Variants in KCNN4 observed in about 807,000 individuals in gnomAD.
KCNN4 encodes intermediate conductance calcium-activated potassium channel protein 4.
A neutral mutation model predicts 45.2 loss-of-function variants in KCNN4; 31 were observed. That is an observed-to-expected ratio of 0.69 (90% CI 0.52 to 0.92). KCNN4 has a LOEUF of 0.92. KCNN4 is among the 40% of genes least tolerant of loss of function. KCNN4 has a pLI of 0.00. For missense variants in KCNN4, 463 were observed against 574.0 expected (o/e 0.81, Z 1.98); for synonymous variants, 231 against 254.6 (o/e 0.91, Z 0.88).
intron 2 of KCNN4, 39 bp downstream of exon 2, chr19:43,776,502 G>C: frequency 7.2e-7 from 1 of 1,383,144 alleles, no homozygotes; most frequent in Non-Finnish European, 1.0e-6. Context: ...CGCTGAGGGG[G>C]TTGGAGGGAG....
Position 43,780,944 on chromosome 19 carries a change from T to G in KCNN4, c.-83A>C. 7.0e-7 allele frequency: 1 copy of G among 1,419,174 alleles called. No homozygotes were observed. The highest frequency in any genetic ancestry group is 9.8e-7 in the Non-Finnish European group (1 of 1,021,816). The allele number at this position is 1,419,174 out of a possible 1,614,324, so 87.9% of individuals were successfully genotyped here. A position where few individuals can be genotyped will look rare whatever the true frequency, so the allele number is the denominator to read the frequency against. On this transcript the variant is annotated 5_prime_UTR_variant, in exon 1 of 9. Coordinates refer to ENST00000648319, the MANE Select transcript of KCNN4 (RefSeq NM_002250.3). The stretch of plus-strand genomic sequence containing the variant: ...CACGCACAGGGCAGCCACTGTGGCT[T>G]GCAGGTCGTCAGCCTGCTCTGCTGG...
At chr19:43,770,828 T>G (rs1225291228) in intron 4 of KCNN4, among the ~76,000 whole-genome samples, 1 of 152,190 alleles carries the variant, frequency 6.6e-6, no homozygotes, top group Admixed American at 6.5e-5. Context: ...TGAGCTCAAG[T>G]GCACATCACC....
At position 43,775,625 on chromosome 19, in the gene KCNN4, C is replaced by T. The variant is rs1308360425; in HGVS notation, c.255+916G>A. ...CTGCTCATAGAATTGCCACACATGG[C>T]CAATAATCCCCATTTTACATGCAAA... On this transcript the variant is annotated intron_variant, in intron 2 of 8. Coordinates refer to ENST00000648319, the MANE Select transcript of KCNN4 (RefSeq NM_002250.3). Among the ~76,000 whole-genome samples the T allele has an allele frequency of 2.0e-5, 3 of 152,072 alleles. No homozygotes were observed. The East Asian group carries it at 5.8e-4, about 29-fold the overall frequency.
chr19:43,767,159 G>A (rs1969500511), intron 8 of KCNN4, 70 bp from the exon 9 acceptor site: 2 of 234,804 alleles, frequency 8.5e-6, no homozygotes, highest in South Asian at 1.2e-4. Flanking sequence ...ACACACCGAG[G>A]TGCAGACAGA....
chr19:43,771,965 G>C, intron 4 of KCNN4, 35 bp downstream of exon 4: 1 of 1,564,722 alleles, frequency 6.4e-7, no homozygotes, highest in Non-Finnish European at 8.6e-7. Context: ...ACCAGTTTGG[G>C]ATAGGGATCA....
chr19:43,768,963 C>T lies in KCNN4; in HGVS notation c.1119G>A (p.Lys373=), dbSNP rs1312352506. The change falls in exon 7 of 9, where the codon AAG becomes AAA. Residue 373 remains lysine, a splice_region_variant and synonymous_variant. Transcript: ENST00000648319. The part of the protein sequence containing the change: ...EQVNSMVDIS[K]MHMILYDLQQ... ...ACCTCCTCCCACGGGATCCTAGTAC[C>T]TTGGAGATGTCCACCATGGAGTTCA... 6 of 1,614,056 alleles carry T rather than the reference C, an allele frequency of 3.7e-6. No individual in the cohort carries two copies. The highest frequency in any genetic ancestry group is 1.3e-5 in the African/African-American group (1 of 74,920).
chr19:43,768,117 A>T (rs1969533293), intron 7 of KCNN4, among the ~76,000 whole-genome samples: 1 of 152,190 alleles, frequency 6.6e-6, no homozygotes, highest in Non-Finnish European at 1.5e-5. Context: ...TCACTAGTTG[A>T]TCCCTGAGGG....
rs1207132 is a variant in KCNN4 at position 43,776,357 on chromosome 19, G to T, written c.255+184C>A. 0.32 allele frequency among the ~76,000 whole-genome samples: 47,893 copies of T among 151,354 alleles called. 8,080 individuals are homozygous for T. Among genetic ancestry groups the T allele is most frequent in the African/African-American group, 0.42 (17,202 of 41,138 alleles). On this transcript the variant is annotated intron_variant, in intron 2 of 8. Transcript: ENST00000648319. ...GACTACAGGGGAAGGCGGAGCTGGTGGGGGAGGCTCTGCCTGTCTGCTCAT... is the reference window on the plus strand; with the variant it reads ...GACTACAGGGGAAGGCGGAGCTGGTTGGGGAGGCTCTGCCTGTCTGCTCAT...
chr19:43,771,378 C>T (rs553326503), intron 4 of KCNN4, among the ~76,000 whole-genome samples: 1 of 152,254 alleles, frequency 6.6e-6, no homozygotes, highest in South Asian at 2.1e-4. Flanking sequence ...TCAGCAAGCC[C>T]ATGAGGAGCA....
Position 43,774,201 on chromosome 19 carries a change from A to G in KCNN4, c.674T>C (p.Val225Ala), listed in dbSNP as rs1969726213. ...CCTCCATCACCCTCACCTCTCGGCC[A>G]CGGACAGCACCCAGGCGGTGGTCAG... ...LWLTTAWVLSVAERQAVNATG... is the reference protein window; with the variant it reads ...LWLTTAWVLSAAERQAVNATG... The change falls in exon 3 of 9, where the codon GTG becomes GCG. Residue 225 changes from valine (V) to alanine (A), a missense_variant. Physicochemically the swap from Val to Ala is moderately conservative, Grantham distance 64. This residue lies in a region of KCNN4 where 109 missense variants were observed against 183.7 expected (regional missense o/e 0.59). Coordinates refer to ENST00000648319, the MANE Select transcript of KCNN4 (RefSeq NM_002250.3). This position sits in a 1 kb window ranked among gnomAD's most constrained non-coding sequence, Gnocchi z 5.6. 1 of 1,610,604 alleles carries G rather than the reference A, an allele frequency of 6.2e-7. No homozygotes were observed. Among genetic ancestry groups the G allele is most frequent in the Non-Finnish European group, 8.5e-7 (1 of 1,177,574 alleles).
At position 43,772,036 on chromosome 19, in the gene KCNN4, C is replaced by T. The variant is rs1368748171; in HGVS notation, c.783G>A (p.Met261Ile). 5.0e-6 allele frequency: 8 copies of T among 1,613,294 alleles called. No individual in the cohort carries two copies. Among genetic ancestry groups the T allele is most frequent in the South Asian group, 1.1e-5 (1 of 90,978 alleles). ...TGCACAGGCAGACGATCTTGCCCCA[C>T]ATGGTGCCCGGCACCACGTCACCAT... ...IGYGDVVPGT[M>I]WGKIVCLCTG... The change falls in exon 4 of 9, where the codon ATG becomes ATA. Residue 261 changes from methionine to isoleucine, a missense_variant. Met to Ile is a conservative substitution (Grantham distance 10). Around this residue, in one of 3 missense-constraint regions of KCNN4, gnomAD observed 109 missense variants for 183.7 expected, o/e 0.59. Transcript: ENST00000648319. This position sits in a 1 kb window ranked among gnomAD's most constrained non-coding sequence, Gnocchi z 4.4.
rs1456599252 is a variant in KCNN4, at chr19:43,769,869, C to G, written c.820-40G>C. 1 of 1,450,056 alleles carries G rather than the reference C, an allele frequency of 6.9e-7. No homozygotes were observed. The highest frequency in any genetic ancestry group is 1.2e-5 in the South Asian group (1 of 85,254). The allele number at this position is 1,450,056 out of a possible 1,614,324, so 89.8% of individuals were successfully genotyped here. A position where few individuals can be genotyped will look rare whatever the true frequency, so the allele number is the denominator to read the frequency against. On this transcript the variant is annotated intron_variant, in intron 4 of 8. Coordinates refer to ENST00000648319, the MANE Select transcript of KCNN4 (RefSeq NM_002250.3). The surrounding 1 kb of genome is among the most constrained non-coding windows in gnomAD (Gnocchi z 4.4). Reference sequence around the variant, plus strand: ...GGCACCGTGGCATGAGGCTGTGCCACCGACTCCCTCCTTGAACCCGCCCAA... The same window carrying G: ...GGCACCGTGGCATGAGGCTGTGCCAGCGACTCCCTCCTTGAACCCGCCCAA...
At position 43,774,202 on chromosome 19, in the gene KCNN4, C is replaced by A; in HGVS notation, c.673G>T (p.Val225Leu). 6.2e-7 allele frequency: 1 copy of A among 1,610,500 alleles called. No homozygotes were observed. ...LWLTTAWVLS[V>L]AERQAVNATG... The stretch of plus-strand genomic sequence containing the variant: ...CTCCATCACCCTCACCTCTCGGCCA[C>A]GGACAGCACCCAGGCGGTGGTCAGC... Residue 225 changes from valine (V) to leucine (L), a missense_variant, in exon 3 of 9, where the codon GTG (valine) becomes TTG (leucine). This residue lies in a region of KCNN4 where 109 missense variants were observed against 183.7 expected (regional missense o/e 0.59). Transcript: ENST00000648319. The surrounding 1 kb of genome is among the most constrained non-coding windows in gnomAD (Gnocchi z 5.6).
chr19:43,779,941 G>A (rs1969922799), intron 1 of KCNN4, among the ~76,000 whole-genome samples: 1 of 152,110 alleles, frequency 6.6e-6, no homozygotes, highest in Admixed American at 6.5e-5. Context: ...TTGGTGGGGG[G>A]AGGCAGGTCG....
At chr19:43,779,829 G>A (rs756830514) in intron 1 of KCNN4, among the ~76,000 whole-genome samples, 1 of 152,006 alleles carries the variant, frequency 6.6e-6, no homozygotes, top group Non-Finnish European at 1.5e-5. Flanking sequence ...GTACCTAGGA[G>A]TCCAGGCCAC....
In KCNN4 at chr19:43,774,664, G is replaced by A. The variant is rs201204085; in HGVS notation, c.256-45C>T. The A allele has an allele frequency of 4.8e-6, 7 of 1,448,144 alleles. No individual in the cohort carries two copies. Among genetic ancestry groups the A allele is most frequent in the South Asian group, 2.9e-5 (2 of 69,272 alleles). The allele number at this position is 1,448,144 out of a possible 1,614,324, so 89.7% of individuals were successfully genotyped here. A position where few individuals can be genotyped will look rare whatever the true frequency, so the allele number is the denominator to read the frequency against. Reference sequence around the variant, plus strand: ...AAGGGAGGGGTCAGGAGCAGGTCAGGCGCAGGTCAGGCGGCGGCCCGCGCC... The same window carrying A: ...AAGGGAGGGGTCAGGAGCAGGTCAGACGCAGGTCAGGCGGCGGCCCGCGCC... On this transcript the variant is annotated intron_variant, in intron 2 of 8. Coordinates refer to ENST00000648319, the MANE Select transcript of KCNN4 (RefSeq NM_002250.3). This position sits in a 1 kb window ranked among gnomAD's most constrained non-coding sequence, Gnocchi z 5.6.
At position 43,769,337 on chromosome 19, in the gene KCNN4, G is replaced by C. The variant is rs1969572657; in HGVS notation, c.1049+105C>G. 2.3e-6 allele frequency: 2 copies of C among 876,854 alleles called. No individual in the cohort carries two copies. The highest frequency in any genetic ancestry group is 2.9e-5 in the South Asian group (2 of 69,752). 54.3% of individuals were successfully genotyped at this position (876,854 alleles called of 1,614,324 possible). On this transcript the variant is annotated intron_variant, in intron 6 of 8. Transcript: ENST00000648319. This position sits in a 1 kb window ranked among gnomAD's most constrained non-coding sequence, Gnocchi z 4.4. ...GGATGTTGAGTGAGACCACACCTGG[G>C]TGTCCTGACCTGGACAGGCATGGAC... is the stretch of plus-strand genomic sequence containing the variant.
chr19:43,769,001 G>C lies in KCNN4; in HGVS notation c.1081C>G (p.Leu361Val), dbSNP rs780621791. Residue 361 changes from leucine to valine, a missense_variant, in exon 7 of 9, where the codon CTC becomes GTC. By Grantham distance (32) the Leu-to-Val change is conservative. Around this residue, in one of 3 missense-constraint regions of KCNN4, gnomAD observed 129 missense variants for 149.4 expected, o/e 0.86. Transcript: ENST00000648319. The surrounding 1 kb of genome is among the most constrained non-coding windows in gnomAD (Gnocchi z 4.4). ...ACCATGGAGTTCACTTGTTCCCGGA[G>C]CTTCCGGTGTTTCAGCCGCACCTGG... ...FRQVRLKHRK[L>V]REQVNSMVDI... The C allele has an allele frequency of 1.4e-5, 22 of 1,614,000 alleles. No individual in the cohort carries two copies. Among genetic ancestry groups the C allele is most frequent in the Non-Finnish European group, 1.9e-5 (22 of 1,179,956 alleles).
chr19:43,774,582 A>G lies in KCNN4; in HGVS notation c.293T>C (p.Val98Ala). 6.5e-7 allele frequency: 1 copy of G among 1,531,890 alleles called. No individual in the cohort carries two copies. 94.9% of individuals were successfully genotyped at this position (1,531,890 alleles called of 1,614,324 possible). A position where few individuals can be genotyped will look rare whatever the true frequency, so the allele number is the denominator to read the frequency against. ...CGCCGCCTGCCGCCCGGTCAGCGCC[A>G]CGCGCCAGTCCCGCAGCCCGTTGTC... ...MTDNGLRDWR[V>A]ALTGRQAAQI... Residue 98 changes from valine to alanine, a missense_variant, in exon 3 of 9, where the codon GTG becomes GCG. Coordinates refer to ENST00000648319, the MANE Select transcript of KCNN4 (RefSeq NM_002250.3). This position sits in a 1 kb window ranked among gnomAD's most constrained non-coding sequence, Gnocchi z 5.6.
Sources: allele counts gnomAD v4.1 joint callset (sites outside exome capture counted in the v4.1 genomes callset), GRCh38; gene constraint gnomAD v4.1.1; regional missense constraint gnomAD v4.1.1; non-coding constraint Gnocchi (gnomAD v3.1); transcripts MANE v1.5; gene names NCBI Gene and HGNC (gene_info 2026-07-23, HGNC 2026-07-21).